NFE2L1: variants seen among roughly 807,000 people sequenced by gnomAD.
NFE2L1 encodes NFE2 like bZIP transcription factor 1.
In NFE2L1, 18 loss-of-function variants were observed where a neutral mutation model predicts 61.6. The ratio of observed to expected loss-of-function variants is 0.29; its 90% CI spans 0.20 to 0.43. NFE2L1 has a LOEUF of 0.43. Among genes scored for constraint, NFE2L1 ranks in the 20% least tolerant of loss-of-function variants. The pLI, the probability that NFE2L1 is intolerant of heterozygous loss-of-function variation, is 1.00. For missense variants in NFE2L1, 827 were observed against 973.5 expected, an observed-to-expected ratio of 0.85 and a Z score of 2.00; for synonymous variants, 419 against 402.7, an observed-to-expected ratio of 1.04 and a Z score of -0.48.
chr17:48,054,563 G>T, intron 2 of NFE2L1: 2 of 1,217,132 alleles, frequency 1.6e-6, no homozygotes, highest in Non-Finnish European at 2.0e-6. Flanking sequence ...CTGGGGGAGG[G>T]GATTGGCTCT....
At chr17:48,057,618 G>C (rs1185471914) in intron 5 of NFE2L1, 116 bp downstream of exon 5, 4 of 1,333,602 alleles carry the variant, frequency 3.0e-6, no homozygotes, top group Non-Finnish European at 4.1e-6. Context: ...GAATCATAGA[G>C]AAGTGGGGAC....
chr17:48,054,753 G>T, intron 2 of NFE2L1: 16 of 1,295,024 alleles, frequency 1.2e-5, no homozygotes, highest in Non-Finnish European at 1.5e-5. Flanking sequence ...TCTCACTGCA[G>T]CCTCTGCGGT....
chr17:48,049,573 A>G (rs546887630), intron 1 of NFE2L1, among the ~76,000 whole-genome samples: 3 of 152,104 alleles, frequency 2.0e-5, no homozygotes, highest in African/African-American at 7.2e-5. Context: ...TTGTATTTTT[A>G]GTTGAGATGG....
chr17:48,054,910 G>C (rs753387797), intron 2 of NFE2L1: 1 of 1,396,104 alleles, frequency 7.2e-7, no homozygotes. Flanking sequence ...CTCGGAGCTA[G>C]CAAGGGGCCA....
chr17:48,051,012 A>C lies in NFE2L1; in HGVS notation c.-107A>C. 7.1e-7 allele frequency: 1 copy of C among 1,404,518 alleles called. No homozygotes were observed. The highest frequency in any genetic ancestry group is 2.1e-4 in the Middle Eastern group (1 of 4,690). 87.0% of individuals were successfully genotyped at this position (1,404,518 alleles called of 1,614,324 possible). ...CTGCCAGGGTGGGGTACGGGGTTTGACACTGAGGAGGGTAACCTGCTGGCT... is the reference window on the plus strand; with the variant it reads ...CTGCCAGGGTGGGGTACGGGGTTTGCCACTGAGGAGGGTAACCTGCTGGCT... On this transcript the variant is annotated 5_prime_UTR_variant, in exon 2 of 6. Transcript: ENST00000362042.
intron 2 of NFE2L1, among the ~76,000 whole-genome samples, chr17:48,053,919 C>G (rs2037320992): frequency 6.6e-6 from 1 of 152,138 alleles, no homozygotes. Flanking sequence ...GGTTGTGTCT[C>G]CCCTCCTCTT....
In NFE2L1 at chr17:48,049,456, G is replaced by A. The variant is rs193252754; in HGVS notation, c.-513+994G>A. On this transcript the variant is annotated intron_variant, in intron 1 of 5. Coordinates refer to ENST00000362042, the MANE Select transcript of NFE2L1 (RefSeq NM_003204.3). ...TGCCCAGGCTGGAGTGCAGTGGCGC[G>A]ATATCGGCCCACCACAACCTCCGTT... Among the ~76,000 whole-genome samples the A allele has an allele frequency of 1.4e-4, 21 of 152,006 alleles. No individual in the cohort carries two copies. In the East Asian group the frequency reaches 3.7e-3, roughly 27 times the overall value.
intron 2 of NFE2L1, among the ~76,000 whole-genome samples, chr17:48,052,015 T>TC (rs2037265387): frequency 6.6e-6 from 1 of 152,034 alleles, no homozygotes; most frequent in African/African-American, 2.4e-5. Context: ...GTTTTGTACC[T>TC]CCCCCCACAT....
chr17:48,058,538 TCCACCTTCGGCTCCA>T lies in NFE2L1; in HGVS notation c.1220_1234del (p.Thr407_Thr411del). On this transcript the variant is annotated inframe_deletion, in exon 6 of 6. Coordinates refer to ENST00000362042, the MANE Select transcript of NFE2L1 (RefSeq NM_003204.3). ...CCCCAGCAATTCTACCAGCCTCAAC[TCCACCTTCGGCTCCA>T]CCAACCTGACAGGGCTCTTCTTTCC... is the stretch of plus-strand genomic sequence containing the variant. 6.2e-7 allele frequency: 1 copy of T among 1,613,418 alleles called. No individual in the cohort carries two copies. Among genetic ancestry groups the T allele is most frequent in the Non-Finnish European group, 8.5e-7 (1 of 1,179,596 alleles).
In NFE2L1 at chr17:48,059,666, G is replaced by A. The variant is rs2144400980; in HGVS notation, c.*25G>A. On this transcript the variant is annotated 3_prime_UTR_variant, in exon 6 of 6. Transcript: ENST00000362042. This position sits in a 1 kb window ranked among gnomAD's most constrained non-coding sequence, Gnocchi z 6.1. ...AGCCTGGGGAAGAAGGGGGTTTGAAGCCCACCAAGACCGAAACTGGAGAAG... is the reference window on the plus strand; with the variant it reads ...AGCCTGGGGAAGAAGGGGGTTTGAAACCCACCAAGACCGAAACTGGAGAAG... The A allele has an allele frequency of 6.5e-7, 1 of 1,527,720 alleles. No homozygotes were observed. The highest frequency in any genetic ancestry group is 2.2e-5 in the Admixed American group (1 of 46,170). 94.6% of individuals were successfully genotyped at this position (1,527,720 alleles called of 1,614,324 possible).
intron 3 of NFE2L1, 63 bp downstream of exon 3, chr17:48,056,661 T>C: frequency 1.9e-6 from 3 of 1,571,486 alleles, no homozygotes; most frequent in Non-Finnish European, 2.6e-6. Flanking sequence ...CAAACCAGGC[T>C]GGAGTTCTTC....
chr17:48,051,561 G>A lies in NFE2L1; in HGVS notation c.443G>A (p.Gly148Glu), dbSNP rs763937582. Residue 148 changes from glycine (G) to glutamate (E), a missense_variant, in exon 2 of 6, where the codon GGA (glycine) becomes GAA (glutamate). Around this residue, in one of 3 missense-constraint regions of NFE2L1, gnomAD observed 667 missense variants for 748.4 expected, o/e 0.89. Transcript: ENST00000362042. ...GTGCGAGAAAGCGAAACGGAGCAGGGATTCGGTGAAGATTTGGAGGATTTG... is the reference window on the plus strand; with the variant it reads ...GTGCGAGAAAGCGAAACGGAGCAGGAATTCGGTGAAGATTTGGAGGATTTG... ...NGVRESETEQ[G>E]FGEDLEDLGA... The A allele has an allele frequency of 1.9e-6, 3 of 1,614,190 alleles. No homozygotes were observed. The highest frequency in any genetic ancestry group is 2.2e-5 in the South Asian group (2 of 91,090).
In NFE2L1 at chr17:48,061,443, T is replaced by C. The variant is rs546111731; in HGVS notation, c.*1802T>C. ...AGAGGGGAGAGAGAGAGAGATGCTG[T>C]TGAGCACATGACAAAATAAAATAAA... is the stretch of plus-strand genomic sequence containing the variant. On this transcript the variant is annotated 3_prime_UTR_variant, in exon 6 of 6. Transcript: ENST00000362042. 1 of 152,326 alleles carries C rather than the reference T, an allele frequency of 6.6e-6. No homozygotes were observed. The highest frequency in any genetic ancestry group is 1.9e-4 in the East Asian group (1 of 5,192). 9.4% of individuals were successfully genotyped at this position (152,326 alleles called of 1,614,324 possible). A position where few individuals can be genotyped will look rare whatever the true frequency, so the allele number is the denominator to read the frequency against.
intron 5 of NFE2L1, among the ~76,000 whole-genome samples, chr17:48,057,841 G>A (rs1169096944): frequency 2.6e-5 from 4 of 152,162 alleles, no homozygotes; most frequent in African/African-American, 4.8e-5. Flanking sequence ...GTGCTTCACA[G>A]CCATCGTTCG....
chr17:48,058,288 C>G lies in NFE2L1; in HGVS notation c.973-7C>G, dbSNP rs1242095312. ...TAGTGAACAGTGGTGCTCTTCTCCC[C>G]TCCCAGGCCATGGAAGTGAACACAT... On this transcript the variant is annotated splice_region_variant and splice_polypyrimidine_tract_variant and intron_variant, in intron 5 of 5. Coordinates refer to ENST00000362042, the MANE Select transcript of NFE2L1 (RefSeq NM_003204.3). 6.4e-7 allele frequency: 1 copy of G among 1,559,338 alleles called. No homozygotes were observed. The highest frequency in any genetic ancestry group is 1.4e-5 in the African/African-American group (1 of 73,840).
chr17:48,060,209 G>C lies in NFE2L1; in HGVS notation c.*568G>C, dbSNP rs540740173. 6.6e-6 allele frequency: 1 copy of C among 152,102 alleles called. No individual in the cohort carries two copies. Among genetic ancestry groups the C allele is most frequent in the Non-Finnish European group, 1.5e-5 (1 of 68,006 alleles). 9.4% of individuals were successfully genotyped at this position (152,102 alleles called of 1,614,324 possible). A position where few individuals can be genotyped will look rare whatever the true frequency, so the allele number is the denominator to read the frequency against. On this transcript the variant is annotated 3_prime_UTR_variant, in exon 6 of 6. Transcript: ENST00000362042. ...GGGGTGGGGTACACAGACACAGGGT[G>C]GGGGTGGGGAGGGACGGTGTTAACT... is the stretch of plus-strand genomic sequence containing the variant.
rs142628509 is a variant in NFE2L1 at position 48,057,177 on chromosome 17, G to T, written c.813+56G>T. The T allele has an allele frequency of 2.5e-5, 40 of 1,602,780 alleles. No individual in the cohort carries two copies. In the East Asian group the frequency reaches 8.9e-4, roughly 36 times the overall value. ...GTGAGCAGGGCAGCCTGTACCTGGT[G>T]TGTCCCTCCATGGCTGAGGGGCCAG... On this transcript the variant is annotated intron_variant, in intron 4 of 5. Transcript: ENST00000362042.
intron 2 of NFE2L1, among the ~76,000 whole-genome samples, chr17:48,055,635 G>A (rs2037382518): frequency 6.6e-6 from 1 of 151,998 alleles, no homozygotes; most frequent in Non-Finnish European, 1.5e-5. Flanking sequence ...CGAGCAGGGG[G>A]TGGGGTGCAC....
chr17:48,055,168 G>T, intron 2 of NFE2L1: 1 of 1,336,782 alleles, frequency 7.5e-7, no homozygotes, highest in South Asian at 1.8e-5. Context: ...TATGTGGGGA[G>T]ACTAAAGTAG....
Sources: gnomAD v4.1 joint callset for allele counts (sites outside exome capture counted in the v4.1 genomes callset) on GRCh38, gnomAD v4.1.1 for gene constraint, gnomAD v4.1.1 regional missense constraint, Gnocchi (gnomAD v3.1) non-coding constraint, MANE v1.5 for transcripts, NCBI Gene and HGNC (gene_info 2026-07-23, HGNC 2026-07-21) for gene names.